The following XPO6 variants were observed in gnomAD, a reference collection of about 807,000 sequenced individuals.
XPO6 encodes the protein exportin-6.
XPO6 carries 3 observed loss-of-function variants against 130.0 expected under a neutral mutation model. The observed-to-expected ratio is 0.02, with a 90% CI of 0.01 to 0.06. XPO6 has a LOEUF of 0.06. Ranked by LOEUF, XPO6 falls within the 10% of genes least tolerant of loss-of-function variation. The pLI, the probability that XPO6 is intolerant of heterozygous loss-of-function variation, is 1.00. For missense variants in XPO6, 970 were observed against 1,393.0 expected, an observed-to-expected ratio of 0.70 and a Z score of 4.83; for synonymous variants, 524 against 548.9, an observed-to-expected ratio of 0.95 and a Z score of 0.63.
At chr16:28,136,305 C>T (rs574582772) in intron 9 of XPO6, among the ~76,000 whole-genome samples, 2 of 152,288 alleles carry the variant, frequency 1.3e-5, no homozygotes, top group South Asian at 2.1e-4. Flanking sequence ...CTCCAACCTC[C>T]GCCTCCCCAG....
chr16:28,107,472 T>C (rs1190676243), intron 18 of XPO6, 50 bp downstream of exon 18: 2 of 1,606,286 alleles, frequency 1.2e-6, no homozygotes, highest in Non-Finnish European at 1.7e-6. Flanking sequence ...GTGGGTATTC[T>C]GGCCCTTGTT....
chr16:28,117,656 G>A (rs776289113), intron 14 of XPO6, among the ~76,000 whole-genome samples, 194 bp from the exon 15 acceptor site: 3 of 152,144 alleles, frequency 2.0e-5, no homozygotes, highest in African/African-American at 7.2e-5. Context: ...CATTGCCACC[G>A]CTGACTAGAG....
chr16:28,211,280 G>A lies in XPO6; in HGVS notation c.3+86C>T, dbSNP rs6498074. 4.3e-3 allele frequency: 5,501 copies of A among 1,272,288 alleles called. 185 individuals carry two copies. The African/African-American group carries it at 0.075, about 17-fold the overall frequency. 78.8% of individuals were successfully genotyped at this position (1,272,288 alleles called of 1,614,324 possible). ...CGCGCCTCTCCCCGCCATGGGGAGA[G>A]CAGCGATGGCTCAGCAGCCCCGGGG... On this transcript the variant is annotated intron_variant, in intron 1 of 23. Transcript: ENST00000304658.
chr16:28,146,164 T>C lies in XPO6; in HGVS notation c.1264A>G (p.Thr422Ala). The change falls in exon 9 of 24, where the codon ACG becomes GCG. Residue 422 changes from threonine to alanine, a missense_variant. Physicochemically the swap from Thr to Ala is moderately conservative, Grantham distance 58. Around this residue, in one of 4 missense-constraint regions of XPO6, gnomAD observed 936 missense variants for 1,306.8 expected, o/e 0.72. Coordinates refer to ENST00000304658, the MANE Select transcript of XPO6 (RefSeq NM_015171.4). Reference protein sequence around the residue: ...EGYFSCLDIWTLFLDYLTSKI... With the variant: ...EGYFSCLDIWALFLDYLTSKI... ...CTTGTCAGATAGTCCAAAAACAGCG[T>C]CCAGATATCCAAACAAGAGAAGTAA... is the stretch of plus-strand genomic sequence containing the variant. The C allele has an allele frequency of 6.2e-7, 1 of 1,614,040 alleles. No individual in the cohort carries two copies. Among genetic ancestry groups the C allele is most frequent in the Non-Finnish European group, 8.5e-7 (1 of 1,179,974 alleles).
At chr16:28,193,616 A>G (rs768523064) in intron 1 of XPO6, among the ~76,000 whole-genome samples, 5 of 152,194 alleles carry the variant, frequency 3.3e-5, no homozygotes, top group Non-Finnish European at 5.9e-5. Flanking sequence ...GGTGGCAGTG[A>G]GCAGCAAGAA....
chr16:28,166,136 A>C (rs1219988313), intron 6 of XPO6, among the ~76,000 whole-genome samples: 1 of 151,792 alleles, frequency 6.6e-6, no homozygotes, highest in African/African-American at 2.4e-5. Context: ...TCCAGTGAGG[A>C]AGAAAGCACT....
At chr16:28,119,221 G>C (rs1255003099) in intron 14 of XPO6, among the ~76,000 whole-genome samples, 2 of 141,686 alleles carry the variant, frequency 1.4e-5, no homozygotes, top group East Asian at 4.1e-4. Flanking sequence ...GTCTCACTAT[G>C]TTGCCCAGGC....
chr16:28,188,915 T>A (rs774654542), intron 1 of XPO6, among the ~76,000 whole-genome samples: 56 of 152,090 alleles, frequency 3.7e-4, no homozygotes, highest in Non-Finnish European at 7.2e-4. Context: ...CATCTCTCCC[T>A]CCGGTCACTA....
At chr16:28,179,274 G>A (rs1399421200) in intron 2 of XPO6, 1 of 152,164 alleles carries the variant, frequency 6.6e-6, no homozygotes, top group Non-Finnish European at 1.5e-5. Flanking sequence ...ATATTACCCA[G>A]ACTGGTCTCA....
At chr16:28,138,568 T>C (rs528981985) in intron 9 of XPO6, among the ~76,000 whole-genome samples, 14 of 152,192 alleles carry the variant, frequency 9.2e-5, no homozygotes, top group Admixed American at 2.6e-4. Flanking sequence ...GGAGAAAGTA[T>C]ATGGCTGTGG....
At chr16:28,170,830 G>A (rs1264554780) in intron 4 of XPO6, among the ~76,000 whole-genome samples, 1 of 152,042 alleles carries the variant, frequency 6.6e-6, no homozygotes, top group Non-Finnish European at 1.5e-5. Flanking sequence ...AACTAAACAA[G>A]ACAAAAAAAG....
chr16:28,180,356 G>A (rs184271800), intron 2 of XPO6, among the ~76,000 whole-genome samples: 74 of 151,898 alleles, frequency 4.9e-4, no homozygotes, highest in African/African-American at 1.6e-3. Flanking sequence ...AGAATGAGAC[G>A]CCGTCTCAAA....
intron 1 of XPO6, among the ~76,000 whole-genome samples, chr16:28,205,908 C>T (rs138149819): frequency 4.0e-5 from 6 of 151,756 alleles, no homozygotes; most frequent in Non-Finnish European, 7.4e-5. Flanking sequence ...CATGGTGGTG[C>T]GCACCTGTAG....
At chr16:28,195,217 C>T (rs1177444856) in intron 1 of XPO6, among the ~76,000 whole-genome samples, 2 of 152,108 alleles carry the variant, frequency 1.3e-5, no homozygotes, top group African/African-American at 2.4e-5. Flanking sequence ...CCCAGCAATA[C>T]ACTTTTGGTG....
chr16:28,137,081 C>T (rs1156931662), intron 9 of XPO6, among the ~76,000 whole-genome samples: 4 of 152,250 alleles, frequency 2.6e-5, no homozygotes, highest in Admixed American at 6.5e-5. Flanking sequence ...CAACTGGTTC[C>T]GGTTTCCAGC....
chr16:28,161,599 A>C (rs1387059496), intron 6 of XPO6, among the ~76,000 whole-genome samples: 2 of 152,234 alleles, frequency 1.3e-5, no homozygotes, highest in African/African-American at 4.8e-5. Flanking sequence ...ATCTATAATA[A>C]TACTTATGGT....
chr16:28,177,148 T>G (rs1021359522), intron 3 of XPO6, 72 bp downstream of exon 3: 143 of 985,492 alleles, frequency 1.5e-4, no homozygotes, highest in Non-Finnish European at 2.1e-4. Context: ...ACAGCTCTAG[T>G]CTAGTGCTAA....
intron 8 of XPO6, among the ~76,000 whole-genome samples, chr16:28,150,288 GA>G (rs2141813689): frequency 6.6e-6 from 1 of 152,282 alleles, no homozygotes; most frequent in African/African-American, 2.4e-5. Context: ...CAGAGAGGAG[GA>G]AAGAAGCTTG....
In XPO6 at chr16:28,101,126, C is replaced by T. The variant is rs1004401890; in HGVS notation, c.3276+332G>A. Reference sequence around the variant, plus strand: ...GGGCACACTCCAATGCTGGCCCCACCGGGGCTCATCACCCAGGAGGGAGAA... The same window carrying T: ...GGGCACACTCCAATGCTGGCCCCACTGGGGCTCATCACCCAGGAGGGAGAA... On this transcript the variant is annotated intron_variant, in intron 23 of 23. Transcript: ENST00000304658. The surrounding 1 kb of genome is among the most constrained non-coding windows in gnomAD (Gnocchi z 5.4). 8.6e-5 allele frequency: 35 copies of T among 406,978 alleles called. No individual in the cohort carries two copies. The highest frequency in any genetic ancestry group is 2.1e-4 in the African/African-American group (10 of 48,752). 25.2% of individuals were successfully genotyped at this position (406,978 alleles called of 1,614,324 possible).
Sources: gnomAD v4.1 joint callset for allele counts (sites outside exome capture counted in the v4.1 genomes callset) on GRCh38, gnomAD v4.1.1 for gene constraint, gnomAD v4.1.1 regional missense constraint, Gnocchi (gnomAD v3.1) non-coding constraint, MANE v1.5 for transcripts, NCBI Gene and HGNC (gene_info 2026-07-23, HGNC 2026-07-21) for gene names.